ASH2L: variants seen among roughly 807,000 people sequenced by gnomAD.
ASH2L encodes set1/Ash2 histone methyltransferase complex subunit ASH2.
ASH2L carries 30 observed loss-of-function variants against 81.1 expected under a neutral mutation model. That is an observed-to-expected ratio of 0.37 (90% CI 0.28 to 0.50). The LOEUF is 0.50. Among genes scored for constraint, ASH2L ranks in the 20% least tolerant of loss-of-function variants. The pLI, the probability that ASH2L is intolerant of heterozygous loss-of-function variation, is 0.95. For missense variants in ASH2L, 559 were observed against 792.1 expected, an observed-to-expected ratio of 0.71 and a Z score of 3.53; for synonymous variants, 273 against 279.9, an observed-to-expected ratio of 0.98 and a Z score of 0.24.
In ASH2L at chr8:38,130,291, T is replaced by G. The variant is rs978367711; in HGVS notation, c.1527+1340T>G. Among the ~76,000 whole-genome samples, 7 of 149,654 alleles carry G rather than the reference T, an allele frequency of 4.7e-5. No individual in the cohort carries two copies. In the East Asian group the frequency reaches 5.8e-4, roughly 12 times the overall value. ...AGAAACAGGTTTGGTATTTTTTGTT[T>G]TTTTTTTTTTTTCCATGTTGCCCAG... is the stretch of plus-strand genomic sequence containing the variant. On this transcript the variant is annotated intron_variant, in intron 12 of 15. Coordinates refer to ENST00000343823, the MANE Select transcript of ASH2L (RefSeq NM_004674.5).
At chr8:38,105,972 T>C (rs754355749) in intron 1 of ASH2L, 109 of 1,528,008 alleles carry the variant, frequency 7.1e-5, no homozygotes, top group Non-Finnish European at 9.1e-5. Flanking sequence ...CTCTGATCCT[T>C]GCACCCTGGC....
intron 11 of ASH2L, 96 bp downstream of exon 11, chr8:38,128,554 T>A: frequency 6.6e-7 from 1 of 1,512,168 alleles, no homozygotes; most frequent in Non-Finnish European, 8.9e-7. Context: ...TTTACCAGAT[T>A]GTGGGCATAG....
In ASH2L at chr8:38,128,963, C is replaced by T; in HGVS notation, c.1527+12C>T. Reference sequence around the variant, plus strand: ...CATACAAAGATAAGGTGAGTTTGTCCTCTCCCGGCAGATTCCTGGCTTTGA... The same window carrying T: ...CATACAAAGATAAGGTGAGTTTGTCTTCTCCCGGCAGATTCCTGGCTTTGA... On this transcript the variant is annotated intron_variant, in intron 12 of 15. Coordinates refer to ENST00000343823, the MANE Select transcript of ASH2L (RefSeq NM_004674.5). 6.2e-7 allele frequency: 1 copy of T among 1,605,842 alleles called. No homozygotes were observed. Among genetic ancestry groups the T allele is most frequent in the Non-Finnish European group, 8.5e-7 (1 of 1,176,614 alleles).
At chr8:38,115,742 G>A (rs1810865516) in intron 7 of ASH2L, among the ~76,000 whole-genome samples, 1 of 152,150 alleles carries the variant, frequency 6.6e-6, no homozygotes, top group Admixed American at 6.6e-5. Flanking sequence ...TGAGTGAATG[G>A]GGCTTAGGCA....
intron 12 of ASH2L, among the ~76,000 whole-genome samples, chr8:38,130,094 T>C (rs1801997518): frequency 6.6e-6 from 1 of 152,184 alleles, no homozygotes; most frequent in Admixed American, 6.6e-5. Context: ...TATCTCATTG[T>C]GAGTTAAATT....
At chr8:38,121,341 A>ATATATT (rs1811139637) in intron 10 of ASH2L, among the ~76,000 whole-genome samples, 192 bp downstream of exon 10, 1 of 13,904 alleles carries the variant, frequency 7.2e-5, no homozygotes, top group African/African-American at 1.9e-4. Context: ...ATTTATATAT[A>ATATATT]TATATATATA....
intron 12 of ASH2L, among the ~76,000 whole-genome samples, chr8:38,129,629 A>G (rs1003502137): frequency 2.0e-5 from 3 of 152,110 alleles, no homozygotes; most frequent in Non-Finnish European, 4.4e-5. Context: ...AAGTTTCCTC[A>G]TGCCTTTTCA....
At chr8:38,114,843 TATTA>T in intron 6 of ASH2L, 58 bp from the exon 7 acceptor site, 1 of 1,104,986 alleles carries the variant, frequency 9.0e-7, no homozygotes, top group South Asian at 1.3e-5. Context: ...AGTGGTTGAT[TATTA>T]ATTCCATACT....
In ASH2L at chr8:38,129,762, GC is replaced by G. The variant is rs200897508; in HGVS notation, c.1527+812del. On this transcript the variant is annotated intron_variant, in intron 12 of 15. Coordinates refer to ENST00000343823, the MANE Select transcript of ASH2L (RefSeq NM_004674.5). ...TGCAGTCTGTAGTCTTTTATATCTG[GC>G]TTTTGAGACTCATCCATTTTGCTGC... is the stretch of plus-strand genomic sequence containing the variant. Among the ~76,000 whole-genome samples, 967 of 152,160 alleles carry G rather than the reference GC, an allele frequency of 6.4e-3. 3 individuals carry two copies. Among genetic ancestry groups the G allele is most frequent in the Middle Eastern group, 0.02 (6 of 294 alleles).
intron 5 of ASH2L, among the ~76,000 whole-genome samples, chr8:38,112,274 C>T (rs1204519241): frequency 6.6e-6 from 1 of 152,138 alleles, no homozygotes; most frequent in Admixed American, 6.5e-5. Context: ...TCTGGGAATA[C>T]AGGCATAAAC....
chr8:38,114,687 A>G, intron 6 of ASH2L: 1 of 510,518 alleles, frequency 2.0e-6, no homozygotes, highest in Non-Finnish European at 3.5e-6. Context: ...TGTGAAATAG[A>G]AGGATAGGTG....
Position 38,107,107 on chromosome 8 carries a change from G to C in ASH2L, c.342G>C (p.Glu114Asp). 1 of 1,614,200 alleles carries C rather than the reference G, an allele frequency of 6.2e-7. No individual in the cohort carries two copies. The highest frequency in any genetic ancestry group is 8.5e-7 in the Non-Finnish European group (1 of 1,180,040). Residue 114 changes from glutamate to aspartate, a missense_variant, in exon 3 of 16, where the codon GAG becomes GAC. Physicochemically the swap from Glu to Asp is conservative, Grantham distance 45 (BLOSUM62 2). Around this residue, in one of 4 missense-constraint regions of ASH2L, gnomAD observed 318 missense variants for 527.0 expected, o/e 0.60. Coordinates refer to ENST00000343823, the MANE Select transcript of ASH2L (RefSeq NM_004674.5). The part of the protein sequence containing the change: ...EENGRQLGEV[E>D]LQCGICTKWF... ...ATGGCCGACAGTTGGGTGAGGTAGA[G>C]CTGCAATGTGGGATTTGTACAAAAT...
In ASH2L at chr8:38,119,280, A is replaced by G; in HGVS notation, c.864A>G (p.Ala288=). 6.4e-7 allele frequency: 1 copy of G among 1,550,782 alleles called. No homozygotes were observed. The highest frequency in any genetic ancestry group is 8.7e-7 in the Non-Finnish European group (1 of 1,146,638). ...GCCTTCTCTTCAAAGGGGGAATTGC[A>G]GCAGGAAGCAGCGGAAAAGGACGAG... The part of the protein sequence containing the change: ...STSGNLNGGI[A]AGSSGKGRGA... Residue 288 remains alanine (A), a synonymous_variant, in exon 9 of 16, where the codon GCA becomes GCG. Coordinates refer to ENST00000343823, the MANE Select transcript of ASH2L (RefSeq NM_004674.5).
chr8:38,125,061 C>T (rs1402616622), intron 10 of ASH2L, among the ~76,000 whole-genome samples: 3 of 152,086 alleles, frequency 2.0e-5, no homozygotes, highest in South Asian at 4.2e-4. Flanking sequence ...CCCCACATTC[C>T]GCATTAATCT....
rs542780276 is a variant in ASH2L, at chr8:38,106,933, A to G, written c.256-88A>G. The stretch of plus-strand genomic sequence containing the variant: ...ATCACTTGAGACCAGCCTGGGCAAC[A>G]TAGGGAGACCCCCGTCTCTTAAAAA... On this transcript the variant is annotated intron_variant, in intron 2 of 15. Coordinates refer to ENST00000343823, the MANE Select transcript of ASH2L (RefSeq NM_004674.5). The G allele has an allele frequency of 1.3e-4, 196 of 1,512,880 alleles. 2 individuals are homozygous for G. The South Asian group carries it at 2.3e-3, about 18-fold the overall frequency. The allele number at this position is 1,512,880 out of a possible 1,614,324, so 93.7% of individuals were successfully genotyped here.
chr8:38,106,257 G>C, intron 1 of ASH2L, 121 bp from the exon 2 acceptor site: 2 of 1,374,610 alleles, frequency 1.5e-6, no homozygotes, highest in South Asian at 2.4e-5. Flanking sequence ...CTGAGATCAG[G>C]CTTAGCTGAA....
intron 11 of ASH2L, 144 bp from the exon 12 acceptor site, chr8:38,128,614 G>A: frequency 6.2e-6 from 9 of 1,459,546 alleles, no homozygotes; most frequent in East Asian, 2.3e-5. Flanking sequence ...GGATATTTTT[G>A]TAATTCTTTG....
At chr8:38,128,166 A>AT in intron 10 of ASH2L, 125 bp from the exon 11 acceptor site, 2 of 1,167,128 alleles carry the variant, frequency 1.7e-6, no homozygotes, top group Non-Finnish European at 2.4e-6. Flanking sequence ...CTCAACTAAT[A>AT]TTTCAAACAC....
At chr8:38,106,194 C>A (rs1585559319) in intron 1 of ASH2L, 184 bp from the exon 2 acceptor site, 6 of 1,486,966 alleles carry the variant, frequency 4.0e-6, no homozygotes, top group Non-Finnish European at 5.5e-6. Flanking sequence ...GGGTCCGCGA[C>A]TGTCTGACAT....
Sources: allele counts gnomAD v4.1 joint callset (sites outside exome capture counted in the v4.1 genomes callset), GRCh38; gene constraint gnomAD v4.1.1; regional missense constraint gnomAD v4.1.1; transcripts MANE v1.5; gene names NCBI Gene and HGNC (gene_info 2026-07-23, HGNC 2026-07-21).